The following RNF169 variants were observed in gnomAD, a reference collection of about 807,000 sequenced individuals.
RNF169 encodes the protein ring finger protein 169.
Under a neutral mutation model 53.9 loss-of-function variants are expected in RNF169, and 24 were observed. The observed-to-expected ratio is 0.45, with a 90% CI of 0.32 to 0.63. The LOEUF is 0.63. RNF169 is among the 20% of genes least tolerant of loss of function. RNF169 has a pLI of 0.04. For missense variants in RNF169, 883 were observed against 906.2 expected (o/e 0.97, Z 0.33); for synonymous variants, 396 against 363.5 (o/e 1.09, Z -1.02).
rs2036289938 is a variant in RNF169, at chr11:74,838,457, G to C, written c.*1727G>C. 1 of 152,230 alleles carries C rather than the reference G, an allele frequency of 6.6e-6. No individual in the cohort carries two copies. The highest frequency in any genetic ancestry group is 2.1e-4 in the South Asian group (1 of 4,834). The allele number at this position is 152,230 out of a possible 1,614,324, so 9.4% of individuals were successfully genotyped here. On this transcript the variant is annotated 3_prime_UTR_variant, in exon 6 of 6. Transcript: ENST00000299563. ...TAGTAATGAGTGCTGCTGTAAAGCA[G>C]AGCCATTTTCTTGTGCAGCTCATAG... is the stretch of plus-strand genomic sequence containing the variant.
intron 4 of RNF169, among the ~76,000 whole-genome samples, chr11:74,829,319 T>C (rs77587681): frequency 6.6e-6 from 1 of 152,138 alleles, no homozygotes; most frequent in African/African-American, 2.4e-5. Flanking sequence ...TCAGAATGGC[T>C]ATTATTAAAA....
Position 74,836,838 on chromosome 11 carries a change from T to A in RNF169, c.*108T>A. 1.2e-6 allele frequency: 1 copy of A among 837,394 alleles called. No individual in the cohort carries two copies. The highest frequency in any genetic ancestry group is 1.8e-6 in the Non-Finnish European group (1 of 550,272). 51.9% of individuals were successfully genotyped at this position (837,394 alleles called of 1,614,324 possible). A position where few individuals can be genotyped will look rare whatever the true frequency, so the allele number is the denominator to read the frequency against. On this transcript the variant is annotated 3_prime_UTR_variant, in exon 6 of 6. Transcript: ENST00000299563. ...TTTATTTTAATGGCAAAACACTGTC[T>A]AATATGGTTCTGAGAGGTTCCAGGG...
At position 74,835,792 on chromosome 11, in the gene RNF169, C is replaced by T. The variant is rs765194384; in HGVS notation, c.1189C>T (p.Pro397Ser). 2.0e-5 allele frequency: 32 copies of T among 1,614,092 alleles called. No homozygotes were observed. The highest frequency in any genetic ancestry group is 2.2e-5 in the Non-Finnish European group (26 of 1,180,052). ...ACCATGTACTCCTCCCAAGAGACTC[C>T]CTGATGGCCGTGTGCTAAGTCCTCT... ...CSPCTPPKRL[P>S]DGRVLSPLII... Residue 397 changes from proline (P) to serine (S), a missense_variant, in exon 6 of 6, where the codon CCT becomes TCT. Pro to Ser is a moderately conservative substitution (Grantham distance 74). This residue lies in a region of RNF169 where 219 missense variants were observed against 289.1 expected (regional missense o/e 0.76). Coordinates refer to ENST00000299563, the MANE Select transcript of RNF169 (RefSeq NM_001098638.2).
chr11:74,782,856 T>C (rs971065340), intron 1 of RNF169, among the ~76,000 whole-genome samples: 3 of 151,760 alleles, frequency 2.0e-5, no homozygotes, highest in Admixed American at 1.3e-4. Flanking sequence ...AGTTCTGATA[T>C]ATGGTTGTAT....
At chr11:74,830,281 C>T (rs1565188059) in intron 4 of RNF169, among the ~76,000 whole-genome samples, 4 of 151,740 alleles carry the variant, frequency 2.6e-5, no homozygotes, top group Non-Finnish European at 4.4e-5. Flanking sequence ...AAATTTTTAA[C>T]GACTGGTCAA....
chr11:74,800,064 T>C (rs1259766084), intron 2 of RNF169, among the ~76,000 whole-genome samples: 3 of 151,406 alleles, frequency 2.0e-5, no homozygotes, highest in East Asian at 1.9e-4. Context: ...ATATCACATA[T>C]ATGCCAATAT....
At chr11:74,822,210 G>C (rs2036022589) in intron 4 of RNF169, among the ~76,000 whole-genome samples, 1 of 152,114 alleles carries the variant, frequency 6.6e-6, no homozygotes, top group Admixed American at 6.5e-5. Context: ...GACAGAGAGA[G>C]TAATGAGCAA....
intron 1 of RNF169, among the ~76,000 whole-genome samples, chr11:74,768,171 A>G (rs1022824276): frequency 1.3e-5 from 2 of 152,264 alleles, no homozygotes; most frequent in Non-Finnish European, 2.9e-5. Flanking sequence ...TAAAGAGCAT[A>G]GAAACATGCC....
At chr11:74,785,232 T>C (rs543136770) in intron 1 of RNF169, among the ~76,000 whole-genome samples, 35 of 81,516 alleles carry the variant, frequency 4.3e-4, no homozygotes, top group South Asian at 2.3e-3. Context: ...TTATATATAT[T>C]ATATATATGT....
chr11:74,765,716 C>T (rs140531284), intron 1 of RNF169, among the ~76,000 whole-genome samples: 5 of 151,520 alleles, frequency 3.3e-5, no homozygotes, highest in Admixed American at 6.6e-5. Context: ...GCAGGAGAAT[C>T]GCTTGAACCC....
chr11:74,836,478 C>T lies in RNF169; in HGVS notation c.1875C>T (p.His625=). Residue 625 remains histidine, a synonymous_variant, in exon 6 of 6, where the codon CAC becomes CAT. Transcript: ENST00000299563. ...CTTTGCGTCGAGGCCGGAAAAGACA[C>T]TGCAAGACCAAGCACTTAGAACAAA... is the stretch of plus-strand genomic sequence containing the variant. ...LPSLRRGRKR[H]CKTKHLEQNG... is the part of the protein sequence containing the mutation. The T allele has an allele frequency of 6.2e-7, 1 of 1,614,234 alleles. No homozygotes were observed. Among genetic ancestry groups the T allele is most frequent in the East Asian group, 2.2e-5 (1 of 44,888 alleles).
At chr11:74,807,988 G>C (rs1428274136) in intron 2 of RNF169, 5 of 152,162 alleles carry the variant, frequency 3.3e-5, no homozygotes, top group Non-Finnish European at 7.3e-5. Context: ...CTAATGGTCT[G>C]TTAGCAGTGG....
chr11:74,751,029 C>T (rs2034886497), intron 1 of RNF169, among the ~76,000 whole-genome samples: 1 of 151,992 alleles, frequency 6.6e-6, no homozygotes, highest in African/African-American at 2.4e-5. Flanking sequence ...CGCCACCACA[C>T]CCTGCTAATT....
At chr11:74,789,565 C>A in intron 1 of RNF169, 61 bp from the exon 2 acceptor site, 1 of 985,024 alleles carries the variant, frequency 1.0e-6, no homozygotes, top group South Asian at 1.3e-5. Context: ...ATGTATTGTG[C>A]CTCCTGTGGG....
At chr11:74,799,061 GAAAA>G (rs528246759) in intron 2 of RNF169, among the ~76,000 whole-genome samples, 2 of 82,624 alleles carry the variant, frequency 2.4e-5, no homozygotes, top group Non-Finnish European at 4.8e-5. Context: ...CTCAAAAAAA[GAAAA>G]AAAAAAAAAG....
intron 1 of RNF169, among the ~76,000 whole-genome samples, chr11:74,783,380 T>G (rs915840672): frequency 1.3e-5 from 2 of 152,220 alleles, no homozygotes; most frequent in Non-Finnish European, 1.5e-5. Context: ...CAGGTGCATG[T>G]CATTCTTAAG....
At chr11:74,776,180 T>G (rs982430015) in intron 1 of RNF169, among the ~76,000 whole-genome samples, 1 of 152,150 alleles carries the variant, frequency 6.6e-6, no homozygotes, top group Non-Finnish European at 1.5e-5. Context: ...TATGCCAGTC[T>G]TTTTCCTCAC....
chr11:74,782,883 A>T (rs543489293), intron 1 of RNF169, among the ~76,000 whole-genome samples: 1 of 151,388 alleles, frequency 6.6e-6, no homozygotes, highest in South Asian at 2.1e-4. Flanking sequence ...CAAGTTACAC[A>T]TGAGGAAATT....
At chr11:74,810,632 T>C (rs1044654115) in intron 3 of RNF169, among the ~76,000 whole-genome samples, 2 of 152,252 alleles carry the variant, frequency 1.3e-5, no homozygotes, top group African/African-American at 2.4e-5. Context: ...TTTGGACTTA[T>C]GTGTTATTTG....
Sources: allele counts gnomAD v4.1 joint callset (sites outside exome capture counted in the v4.1 genomes callset), GRCh38; gene constraint gnomAD v4.1.1; regional missense constraint gnomAD v4.1.1; transcripts MANE v1.5; gene names NCBI Gene and HGNC (gene_info 2026-07-23, HGNC 2026-07-21).